The following LAMA2 variants were observed in gnomAD, a reference collection of about 807,000 sequenced individuals.
LAMA2 encodes laminin subunit alpha 2.
In LAMA2, 269 loss-of-function variants were observed where a neutral mutation model predicts 364.8. The observed-to-expected ratio is 0.74, with a 90% CI of 0.67 to 0.82. LAMA2 has a LOEUF of 0.82. LAMA2 is among the 40% of genes least tolerant of loss of function. The probability of loss-of-function intolerance (pLI) is 0.00; values close to 1 mark genes in which losing one functional copy is unlikely to be tolerated. For missense variants in LAMA2, 3,807 were observed against 3,873.2 expected (o/e 0.98, Z 0.45); for synonymous variants, 1,379 against 1,370.6 (o/e 1.01, Z -0.14).
At chr6:129,415,838 CT>C (rs1055648307) in intron 40 of LAMA2, among the ~76,000 whole-genome samples, 1 of 151,934 alleles carries the variant, frequency 6.6e-6, no homozygotes, top group African/African-American at 2.4e-5. Flanking sequence ...AGAGCAAGAC[CT>C]TATCTCACAA....
chr6:129,329,774 G>T (rs1775521536), intron 29 of LAMA2, among the ~76,000 whole-genome samples: 1 of 152,038 alleles, frequency 6.6e-6, no homozygotes. Flanking sequence ...TCTACATCAG[G>T]GTCCACAACC....
chr6:129,323,713 A>G (rs1263840953), intron 28 of LAMA2, among the ~76,000 whole-genome samples: 1 of 152,212 alleles, frequency 6.6e-6, no homozygotes, highest in Non-Finnish European at 1.5e-5. Context: ...ATATGCAGGT[A>G]CCATTCTTAC....
chr6:128,915,281 T>C (rs746485902), intron 1 of LAMA2, among the ~76,000 whole-genome samples: 5 of 152,224 alleles, frequency 3.3e-5, no homozygotes, highest in Admixed American at 6.5e-5. Flanking sequence ...GATAAAAAAT[T>C]CTTTTTCTTT....
intron 2 of LAMA2, among the ~76,000 whole-genome samples, chr6:129,057,039 C>T (rs898123818): frequency 3.9e-5 from 6 of 152,030 alleles, no homozygotes; most frequent in African/African-American, 1.4e-4. Flanking sequence ...GGCCAATATT[C>T]AGCTTTTAAT....
chr6:129,513,296 A>G (rs1269086625), intron 63 of LAMA2, among the ~76,000 whole-genome samples: 2 of 152,212 alleles, frequency 1.3e-5, no homozygotes, highest in African/African-American at 2.4e-5. Context: ...AATATAGGAA[A>G]AAAGATCCAC....
At position 129,408,095 on chromosome 6, in the gene LAMA2, ATGT is replaced by A. The variant is rs148730969; in HGVS notation, c.5865+4140_5865+4142del. On this transcript the variant is annotated intron_variant, in intron 40 of 64. Coordinates refer to ENST00000421865, the MANE Select transcript of LAMA2 (RefSeq NM_000426.4). ...AAGATGTCTAGGCCAGCAGAACATAATGTTGTGGGAACAGGAAGCAAAATTTTG... is the reference window on the plus strand; with the variant it reads ...AAGATGTCTAGGCCAGCAGAACATAATGTGGGAACAGGAAGCAAAATTTTG... Among the ~76,000 whole-genome samples the A allele has an allele frequency of 2.0e-3, 297 of 152,260 alleles. 5 individuals are homozygous for A. The East Asian group carries it at 0.042, about 22-fold the overall frequency.
chr6:129,502,375 G>T (rs1340329812), intron 58 of LAMA2, among the ~76,000 whole-genome samples: 2 of 152,168 alleles, frequency 1.3e-5, no homozygotes, highest in African/African-American at 4.8e-5. Context: ...AGTTTTCTCA[G>T]AAATATACAT....
intron 12 of LAMA2, among the ~76,000 whole-genome samples, chr6:129,230,918 G>A (rs543942970): frequency 6.6e-6 from 1 of 152,166 alleles, no homozygotes; most frequent in Admixed American, 6.5e-5. Context: ...CTGTAGCCAA[G>A]ACAAGTCTTT....
intron 43 of LAMA2, among the ~76,000 whole-genome samples, chr6:129,441,363 T>C (rs1399945323): frequency 6.6e-6 from 1 of 152,136 alleles, no homozygotes; most frequent in Non-Finnish European, 1.5e-5. Flanking sequence ...TCATGGAACA[T>C]AGAGGTTAAG....
rs368766845 is a variant in LAMA2 at position 129,050,028 on chromosome 6, G to A, written c.223G>A (p.Gly75Arg). 2.2e-5 allele frequency: 36 copies of A among 1,613,962 alleles called. No individual in the cohort carries two copies. The highest frequency in any genetic ancestry group is 2.8e-5 in the Non-Finnish European group (33 of 1,180,000). ...MYCKLVEHVP[G>R]QPVRNPQCRI... The stretch of plus-strand genomic sequence containing the variant: ...CTGCAAATTGGTAGAACATGTCCCT[G>A]GGCAGCCTGTGAGGAACCCGCAGTG... The change falls in exon 2 of 65, where the codon GGG becomes AGG. Residue 75 changes from glycine to arginine, a missense_variant. Gly to Arg is a moderately radical substitution (Grantham distance 125, BLOSUM62 -2). Transcript: ENST00000421865.
chr6:129,193,347 G>C (rs974910760), intron 12 of LAMA2, among the ~76,000 whole-genome samples: 4 of 152,154 alleles, frequency 2.6e-5, no homozygotes, highest in African/African-American at 9.7e-5. Context: ...TTGCCATGAG[G>C]CTTATGTAAA....
chr6:128,898,168 A>T (rs1776881166), intron 1 of LAMA2, among the ~76,000 whole-genome samples: 1 of 152,176 alleles, frequency 6.6e-6, no homozygotes, highest in Non-Finnish European at 1.5e-5. Flanking sequence ...TGGAGCTTTA[A>T]CTTAAAAGAT....
intron 13 of LAMA2, among the ~76,000 whole-genome samples, chr6:129,250,810 A>G (rs1299701730): frequency 6.6e-6 from 1 of 151,974 alleles, no homozygotes; most frequent in Non-Finnish European, 1.5e-5. Flanking sequence ...TCCCCTTGAC[A>G]CTGATACGTA....
intron 14 of LAMA2, among the ~76,000 whole-genome samples, chr6:129,257,580 G>C (rs1583355670): frequency 1.3e-5 from 2 of 152,100 alleles, no homozygotes; most frequent in East Asian, 1.9e-4. Context: ...AGAAATTCTT[G>C]GACTGTATCT....
chr6:129,374,339 C>T (rs1273786249), intron 34 of LAMA2, among the ~76,000 whole-genome samples: 1 of 152,142 alleles, frequency 6.6e-6, no homozygotes, highest in African/African-American at 2.4e-5. Context: ...CCACAACTTC[C>T]AATTACCCAT....
rs775043585 is a variant in LAMA2 at position 129,403,968 on chromosome 6, C to T, written c.5865+9C>T. On this transcript the variant is annotated intron_variant, in intron 40 of 64. Coordinates refer to ENST00000421865, the MANE Select transcript of LAMA2 (RefSeq NM_000426.4). ...ATGAAGCTACAAAACTGGTAAGAAA[C>T]AAATGGCACATGTGCTGGGAATGGA... 6.2e-7 allele frequency: 1 copy of T among 1,613,686 alleles called. No individual in the cohort carries two copies. The highest frequency in any genetic ancestry group is 1.1e-5 in the South Asian group (1 of 91,062).
At chr6:129,366,745 G>A (rs1292413232) in intron 33 of LAMA2, among the ~76,000 whole-genome samples, 1 of 152,188 alleles carries the variant, frequency 6.6e-6, no homozygotes, top group Non-Finnish European at 1.5e-5. Context: ...GATTTTGGCT[G>A]AATGGAAATT....
Position 129,418,138 on chromosome 6 carries a change from G to A in LAMA2, c.5866-9614G>A, listed in dbSNP as rs530154152. ...TCTTGCTCTCAGAAGAGTTTTCATC[G>A]CCTGCTCCCTCTGTTTTCACTGCTT... On this transcript the variant is annotated intron_variant, in intron 40 of 64. Transcript: ENST00000421865. Among the ~76,000 whole-genome samples the A allele has an allele frequency of 4.0e-4, 61 of 152,150 alleles. 1 individual carries two copies. The highest frequency in any genetic ancestry group is 1.2e-3 in the African/African-American group (48 of 41,480).
chr6:129,276,877 TTCTC>T (rs767182516), intron 17 of LAMA2, among the ~76,000 whole-genome samples: 3 of 152,162 alleles, frequency 2.0e-5, no homozygotes, highest in South Asian at 2.1e-4. Context: ...GGTTAATTGT[TTCTC>T]TATGTATGCA....
Sources: gnomAD v4.1 joint callset for allele counts (sites outside exome capture counted in the v4.1 genomes callset) on GRCh38, gnomAD v4.1.1 for gene constraint, MANE v1.5 for transcripts, NCBI Gene and HGNC (gene_info 2026-07-23, HGNC 2026-07-21) for gene names.